Variants in DSE observed in about 807,000 individuals in gnomAD.
DSE encodes the protein dermatan-sulfate epimerase.
DSE carries 36 observed loss-of-function variants against 84.4 expected under a neutral mutation model. The observed-to-expected ratio is 0.43, with a 90% CI of 0.33 to 0.56. The LOEUF (loss-of-function observed/expected upper bound fraction) is 0.56, where lower values mean the gene tolerates loss of function less well. DSE is among the 20% of genes least tolerant of loss of function. The pLI is 0.06. For synonymous variants in DSE, 410 were observed against 430.1 expected (o/e 0.95, Z 0.58); for missense variants, 862 against 1,169.6 (o/e 0.74, Z 3.84).
rs370063663 is a variant in DSE, at chr6:116,436,337, C to A, written c.1869C>A (p.Gly623=). The change falls in exon 6 of 6, where the codon GGC becomes GGA. Residue 623 remains glycine (G), a synonymous_variant. Transcript: ENST00000644252. Reference sequence around the variant, plus strand: ...AAATGTACTGGATGGACGATACTGGCTACAGCGAGAAAGCAACCTTTGCCT... The same window carrying A: ...AAATGTACTGGATGGACGATACTGGATACAGCGAGAAAGCAACCTTTGCCT... ...LYKMYWMDDT[G]YSEKATFASV... The A allele has an allele frequency of 1.4e-5, 23 of 1,614,148 alleles. No homozygotes were observed. In the African/African-American group the frequency reaches 2.1e-4, roughly 15 times the overall value.
At chr6:116,415,937 A>G (rs868041707) in intron 2 of DSE, among the ~76,000 whole-genome samples, 3 of 152,206 alleles carry the variant, frequency 2.0e-5, no homozygotes, top group East Asian at 1.9e-4. Context: ...GTGATCTTAC[A>G]GTTTTGTAGA....
At chr6:116,337,750 T>C (rs1442172369) in intron 2 of DSE, among the ~76,000 whole-genome samples, 1 of 152,232 alleles carries the variant, frequency 6.6e-6, no homozygotes, top group Non-Finnish European at 1.5e-5. Context: ...AGAAAAATTA[T>C]GTTTTGATGA....
At chr6:116,266,100 G>C (rs188754872) in intron 2 of DSE, among the ~76,000 whole-genome samples, 16 of 152,158 alleles carry the variant, frequency 1.1e-4, no homozygotes, top group South Asian at 2.1e-4. Flanking sequence ...CCCCATGCAG[G>C]GTTCCCAGCT....
chr6:116,342,001 T>A (rs1777624522), intron 2 of DSE, among the ~76,000 whole-genome samples: 1 of 152,194 alleles, frequency 6.6e-6, no homozygotes, highest in East Asian at 1.9e-4. Flanking sequence ...AATATGTTAA[T>A]TTTTAAAACA....
chr6:116,422,902 C>T (rs75997539), intron 2 of DSE, among the ~76,000 whole-genome samples: 4,231 of 152,248 alleles, frequency 0.028, 113 homozygotes, highest in Non-Finnish European at 0.041. Flanking sequence ...TCGGAAGCCC[C>T]TCCCTGGGCC....
intron 2 of DSE, among the ~76,000 whole-genome samples, chr6:116,339,433 G>C (rs1439916975): frequency 6.6e-6 from 1 of 151,886 alleles, no homozygotes; most frequent in Non-Finnish European, 1.5e-5. Context: ...GGAAAGCAAT[G>C]TTCTGCTAAG....
intron 2 of DSE, among the ~76,000 whole-genome samples, chr6:116,342,336 A>G (rs1777657795): frequency 6.9e-6 from 1 of 145,758 alleles, no homozygotes; most frequent in East Asian, 2.1e-4. Context: ...GCCAGAGTGC[A>G]ATGGCGCGGT....
intron 2 of DSE, among the ~76,000 whole-genome samples, chr6:116,286,885 C>G (rs1200786090): frequency 6.6e-6 from 1 of 152,078 alleles, no homozygotes; most frequent in African/African-American, 2.4e-5. Flanking sequence ...TGTATTTCTT[C>G]CATTATAGGA....
At chr6:116,398,634 A>T (rs183906343) in intron 1 of DSE, among the ~76,000 whole-genome samples, 115 of 152,218 alleles carry the variant, frequency 7.6e-4, no homozygotes, top group Non-Finnish European at 1.5e-3. Context: ...CTCTCTTTCC[A>T]CCTTCTGCTC....
At chr6:116,357,042 T>C (rs1315228787) in intron 2 of DSE, among the ~76,000 whole-genome samples, 2 of 152,200 alleles carry the variant, frequency 1.3e-5, no homozygotes, top group African/African-American at 2.4e-5. Context: ...TTGCAAAATA[T>C]GGTTCCAAAA....
chr6:116,325,084 G>T (rs1239904351), intron 2 of DSE, among the ~76,000 whole-genome samples: 1 of 151,218 alleles, frequency 6.6e-6, no homozygotes, highest in Non-Finnish European at 1.5e-5. Flanking sequence ...TCCTTGGAAA[G>T]GCTGGAACCA....
At chr6:116,282,756 C>T (rs368248797) in intron 2 of DSE, among the ~76,000 whole-genome samples, 7 of 152,244 alleles carry the variant, frequency 4.6e-5, no homozygotes, top group Admixed American at 3.9e-4. Context: ...TGATTGCTTT[C>T]GGACAAGTGC....
At chr6:116,365,088 T>G (rs996373987) in intron 2 of DSE, among the ~76,000 whole-genome samples, 3 of 152,168 alleles carry the variant, frequency 2.0e-5, no homozygotes, top group Non-Finnish European at 4.4e-5. Flanking sequence ...TTTGCCTGCA[T>G]TGGCCTCCCA....
rs1784365441 is a variant in DSE, at chr6:116,439,631, A to G, written c.*2286A>G. ...CTTTTTGTAACTTGAAAACAAAGCA[A>G]TGTTAAATCTCCCTTGAAACTGAGT... On this transcript the variant is annotated 3_prime_UTR_variant, in exon 6 of 6. Transcript: ENST00000644252. 1 of 152,180 alleles carries G rather than the reference A, an allele frequency of 6.6e-6. No individual in the cohort carries two copies. The highest frequency in any genetic ancestry group is 1.5e-5 in the Non-Finnish European group (1 of 68,014). The allele number at this position is 152,180 out of a possible 1,614,324, so 9.4% of individuals were successfully genotyped here. A position where few individuals can be genotyped will look rare whatever the true frequency, so the allele number is the denominator to read the frequency against.
intron 2 of DSE, among the ~76,000 whole-genome samples, chr6:116,260,182 C>T (rs1772352113): frequency 6.6e-6 from 1 of 152,120 alleles, no homozygotes; most frequent in South Asian, 2.1e-4. Context: ...GCCATTCTGA[C>T]TGGTATGAGA....
Position 116,441,150 on chromosome 6 carries a change from G to A in DSE, c.*3805G>A, listed in dbSNP as rs1166574238. ...AAGAAATGACTGATATAAATCATGT[G>A]TTCCACTACATAGTCTAAATATTTA... On this transcript the variant is annotated 3_prime_UTR_variant, in exon 6 of 6. Transcript: ENST00000644252. The A allele has an allele frequency of 6.6e-6, 1 of 152,030 alleles. No homozygotes were observed. The highest frequency in any genetic ancestry group is 2.4e-5 in the African/African-American group (1 of 41,390). The allele number at this position is 152,030 out of a possible 1,614,324, so 9.4% of individuals were successfully genotyped here. A position where few individuals can be genotyped will look rare whatever the true frequency, so the allele number is the denominator to read the frequency against.
intron 2 of DSE, among the ~76,000 whole-genome samples, chr6:116,342,705 C>G (rs1161146448): frequency 6.6e-6 from 1 of 152,176 alleles, no homozygotes; most frequent in East Asian, 1.9e-4. Context: ...CCAAGATGGC[C>G]AAATAGGAAT....
At chr6:116,375,026 C>G (rs1431118549) in intron 1 of DSE, among the ~76,000 whole-genome samples, 1 of 152,148 alleles carries the variant, frequency 6.6e-6, no homozygotes, top group East Asian at 1.9e-4. Flanking sequence ...TCTGGGAGCA[C>G]CAAATTACCA....
rs1283896830 is a variant in DSE at position 116,442,043 on chromosome 6, T to C, written c.*4698T>C. Reference sequence around the variant, plus strand: ...GTGATGGTGAATTGGTACTGTCCCATAAACAGTGGTTTCTGATGTGATTAC... The same window carrying C: ...GTGATGGTGAATTGGTACTGTCCCACAAACAGTGGTTTCTGATGTGATTAC... On this transcript the variant is annotated 3_prime_UTR_variant, in exon 6 of 6. Transcript: ENST00000644252. 6.6e-6 allele frequency: 1 copy of C among 152,266 alleles called. No individual in the cohort carries two copies. Among genetic ancestry groups the C allele is most frequent in the Non-Finnish European group, 1.5e-5 (1 of 68,084 alleles). 9.4% of individuals were successfully genotyped at this position (152,266 alleles called of 1,614,324 possible).
Sources: gnomAD v4.1 joint callset for allele counts (sites outside exome capture counted in the v4.1 genomes callset) on GRCh38, gnomAD v4.1.1 for gene constraint, MANE v1.5 for transcripts, NCBI Gene and HGNC (gene_info 2026-07-23, HGNC 2026-07-21) for gene names.